Variants in GRIN2D observed in about 807,000 individuals in gnomAD.
The protein encoded by GRIN2D is glutamate receptor ionotropic, NMDA 2D.
Under a neutral mutation model 103.2 loss-of-function variants are expected in GRIN2D, and 37 were observed. That is an observed-to-expected ratio of 0.36 (90% CI 0.28 to 0.47). GRIN2D has a LOEUF of 0.47. Among genes scored for constraint, GRIN2D ranks in the 20% least tolerant of loss-of-function variants. The pLI, the probability that GRIN2D is intolerant of heterozygous loss-of-function variation, is 1.00. For synonymous variants in GRIN2D, 845 were observed against 885.6 expected (o/e 0.95, Z 0.81); for missense variants, 1,557 against 1,910.6 (o/e 0.81, Z 3.45).
intron 11 of GRIN2D, among the ~76,000 whole-genome samples, chr19:48,434,632 C>T (rs1232950578): frequency 1.3e-5 from 2 of 151,664 alleles, no homozygotes; most frequent in African/African-American, 2.4e-5. Flanking sequence ...GATGGTCTCA[C>T]TATGTTGCCC....
Position 48,405,237 on chromosome 19 carries a change from C to T in GRIN2D, c.969C>T (p.Gly323=), listed in dbSNP as rs1175961795. The T allele has an allele frequency of 4.4e-6, 7 of 1,596,048 alleles. No homozygotes were observed. The highest frequency in any genetic ancestry group is 3.3e-5 in the South Asian group (3 of 89,900). Reference sequence around the variant, plus strand: ...ACCTGGCTCGGCGAGTGGCAGCTGGCGTGGCCGTAGTGGCCAGAGGTGCCC... The same window carrying T: ...ACCTGGCTCGGCGAGTGGCAGCTGGTGTGGCCGTAGTGGCCAGAGGTGCCC... ...RDDLARRVAA[G]VAVVARGAQA... is the part of the protein sequence containing the mutation. Residue 323 remains glycine (G), a synonymous_variant, in exon 4 of 14, where the codon GGC becomes GGT. Coordinates refer to ENST00000263269, the MANE Select transcript of GRIN2D (RefSeq NM_000836.4). The surrounding 1 kb of genome is among the most constrained non-coding windows in gnomAD (Gnocchi z 5.1).
rs1456347951 is a variant in GRIN2D, at chr19:48,432,232, T to G, written c.2253-9537T>G. Among the ~76,000 whole-genome samples the G allele has an allele frequency of 2.0e-5, 3 of 151,810 alleles. No individual in the cohort carries two copies. The East Asian group carries it at 5.8e-4, about 29-fold the overall frequency. On this transcript the variant is annotated intron_variant, in intron 11 of 13. Transcript: ENST00000263269. Reference sequence around the variant, plus strand: ...GCCTTCTTTTTCTTTCTTTTTTTTTTTTTTTAGAGGCAGGTTCTCATTATG... The same window carrying G: ...GCCTTCTTTTTCTTTCTTTTTTTTTGTTTTTAGAGGCAGGTTCTCATTATG...
chr19:48,442,407 G>C lies in GRIN2D; in HGVS notation c.2673+25G>C, dbSNP rs1254890403. The C allele has an allele frequency of 6.3e-7, 1 of 1,592,990 alleles. No individual in the cohort carries two copies. Among genetic ancestry groups the C allele is most frequent in the Non-Finnish European group, 8.6e-7 (1 of 1,168,376 alleles). ...GGTATGGGGCAGAGAGGGAGGCAGA[G>C]AGGGGGAGATGGCAGGGGCGGGGAC... On this transcript the variant is annotated intron_variant, in intron 13 of 13. Coordinates refer to ENST00000263269, the MANE Select transcript of GRIN2D (RefSeq NM_000836.4). This position sits in a 1 kb window ranked among gnomAD's most constrained non-coding sequence, Gnocchi z 7.2.
rs547587702 is a variant in GRIN2D at position 48,419,904 on chromosome 19, G to C, written c.2091+90G>C. ...GTGGTAGATTAGAGGGGATTCTTGC[G>C]GGGGGCGGGGGTGAGAGGGGTGGGG... is the stretch of plus-strand genomic sequence containing the variant. On this transcript the variant is annotated intron_variant, in intron 10 of 13. Coordinates refer to ENST00000263269, the MANE Select transcript of GRIN2D (RefSeq NM_000836.4). The C allele has an allele frequency of 1.6e-3, 550 of 334,658 alleles. 11 individuals are homozygous for C. The highest frequency in any genetic ancestry group is 0.016 in the Admixed American group (367 of 23,450). The allele number at this position is 334,658 out of a possible 1,614,324, so 20.7% of individuals were successfully genotyped here. A position where few individuals can be genotyped will look rare whatever the true frequency, so the allele number is the denominator to read the frequency against.
rs1181694714 is a variant in GRIN2D at position 48,405,306 on chromosome 19, C to T, written c.1038C>T (p.His346=). The T allele has an allele frequency of 1.9e-5, 30 of 1,601,438 alleles. No homozygotes were observed. The highest frequency in any genetic ancestry group is 2.5e-5 in the Non-Finnish European group (30 of 1,177,172). The stretch of plus-strand genomic sequence containing the variant: ...ATGGTTTCCTTCCTGAGCTCGGCCA[C>T]GACTGTCGCGCCCAGAACCGCACCC... ...RDYGFLPELG[H]DCRAQNRTHR... is the part of the protein sequence containing the mutation. Residue 346 remains histidine (H), a synonymous_variant, in exon 4 of 14, where the codon CAC becomes CAT. Transcript: ENST00000263269. The surrounding 1 kb of genome is among the most constrained non-coding windows in gnomAD (Gnocchi z 5.1).
Position 48,421,638 on chromosome 19 carries a change from C to T in GRIN2D, c.2092-147C>T, listed in dbSNP as rs1331958061. ...TGCTGGGTGGGAGTGGAAAAGCATT[C>T]CCTAATGTAGTGAGCGAGTGTTGAG... is the stretch of plus-strand genomic sequence containing the variant. On this transcript the variant is annotated intron_variant, in intron 10 of 13. Transcript: ENST00000263269. This position sits in a 1 kb window ranked among gnomAD's most constrained non-coding sequence, Gnocchi z 4.8. 5 of 659,180 alleles carry T rather than the reference C, an allele frequency of 7.6e-6. No individual in the cohort carries two copies. In the East Asian group the frequency reaches 1.1e-4, roughly 15 times the overall value. The allele number at this position is 659,180 out of a possible 1,614,324, so 40.8% of individuals were successfully genotyped here. A position where few individuals can be genotyped will look rare whatever the true frequency, so the allele number is the denominator to read the frequency against.
intron 7 of GRIN2D, 119 bp from the exon 8 acceptor site, chr19:48,415,883 G>A: frequency 1.2e-6 from 1 of 841,300 alleles, no homozygotes; most frequent in Non-Finnish European, 2.0e-6. Context: ...AATCCCTCTT[G>A]GCCCCTTCCC....
At position 48,436,300 on chromosome 19, in the gene GRIN2D, T is replaced by C. The variant is rs147878727; in HGVS notation, c.2253-5469T>C. Among the ~76,000 whole-genome samples, 246 of 152,052 alleles carry C rather than the reference T, an allele frequency of 1.6e-3. 3 individuals carry two copies. Among genetic ancestry groups the C allele is most frequent in the Admixed American group, 0.013 (200 of 15,254 alleles). On this transcript the variant is annotated intron_variant, in intron 11 of 13. Transcript: ENST00000263269. ...GAGTTGGACTCACAGGCGGTCGAAG[T>C]GAGGTTTTCTTGCTGTTTTCTGTTC...
At position 48,408,676 on chromosome 19, in the gene GRIN2D, C is replaced by T. The variant is rs112168324; in HGVS notation, c.1085+3323C>T. On this transcript the variant is annotated intron_variant, in intron 4 of 13. Coordinates refer to ENST00000263269, the MANE Select transcript of GRIN2D (RefSeq NM_000836.4). ...TCTACTAAAAACTACAAAACTTAGC[C>T]GGGCGTGGTGACAGGCACCTGTAAT... 5.9e-5 allele frequency among the ~76,000 whole-genome samples: 9 copies of T among 151,270 alleles called. 2 individuals are homozygous for T. The highest frequency in any genetic ancestry group is 2.1e-4 in the South Asian group (1 of 4,764).
intron 9 of GRIN2D, 28 bp from the exon 10 acceptor site, chr19:48,419,557 T>C: frequency 1.3e-6 from 2 of 1,505,118 alleles, no homozygotes; most frequent in Non-Finnish European, 1.8e-6. Context: ...GGATTTGGGG[T>C]CCATGTCCAC....
chr19:48,439,791 G>A (rs1194399927), intron 11 of GRIN2D, among the ~76,000 whole-genome samples: 3 of 151,922 alleles, frequency 2.0e-5, no homozygotes, highest in Non-Finnish European at 4.4e-5. Context: ...TAAAAGTACA[G>A]AATTAGCCAG....
intron 11 of GRIN2D, among the ~76,000 whole-genome samples, chr19:48,431,135 T>C (rs990172265): frequency 3.3e-5 from 5 of 152,198 alleles, no homozygotes; most frequent in African/African-American, 9.6e-5. Context: ...TTTCATCTTA[T>C]TGAAGAAGTT....
chr19:48,415,206 A>C (rs916344742), intron 7 of GRIN2D, among the ~76,000 whole-genome samples, 174 bp downstream of exon 7: 1 of 151,926 alleles, frequency 6.6e-6, no homozygotes, highest in Non-Finnish European at 1.5e-5. Context: ...CCCCGTCTCT[A>C]CTAAAATGCA....
Position 48,405,119 on chromosome 19 carries a change from G to T in GRIN2D, c.851G>T (p.Gly284Val), listed in dbSNP as rs971881000. ...GGGCCCCAGCTGGCTGGAGGCGGGG[G>T]CTCTGGGGCCCCTGGTGAGCCCCCT... ...MVGPQLAGGG[G>V]SGAPGEPPLL... is the part of the protein sequence containing the mutation. Residue 284 changes from glycine (G) to valine (V), a missense_variant, in exon 4 of 14, where the codon GGC (glycine) becomes GTC (valine). Gly to Val is a moderately radical substitution (Grantham distance 109). This residue lies in a region of GRIN2D where 490 missense variants were observed against 601.1 expected (regional missense o/e 0.82). Transcript: ENST00000263269. This position sits in a 1 kb window ranked among gnomAD's most constrained non-coding sequence, Gnocchi z 5.1. 2.5e-6 allele frequency: 4 copies of T among 1,583,354 alleles called. No individual in the cohort carries two copies. The highest frequency in any genetic ancestry group is 2.3e-5 in the East Asian group (1 of 43,464).
At chr19:48,415,900 T>C in intron 7 of GRIN2D, 102 bp from the exon 8 acceptor site, 1 of 1,033,082 alleles carries the variant, frequency 9.7e-7, no homozygotes, top group Non-Finnish European at 1.5e-6. Context: ...TCCCTCACCC[T>C]GTCACTGGTC....
chr19:48,402,805 A>AGAGAGAGAGAGAGAG (rs1970735111), intron 3 of GRIN2D, among the ~76,000 whole-genome samples: 4 of 144,446 alleles, frequency 2.8e-5, no homozygotes, highest in East Asian at 2.1e-4. Context: ...AGAGAGAGAG[A>AGAGAGAGAGAGAGAG]ATAGGGAACA....
Position 48,404,923 on chromosome 19 carries a change from G to A in GRIN2D, c.655G>A (p.Gly219Arg). The part of the protein sequence containing the change: ...DGSLVGWEHR[G>R]ALTLDPGAGE... The stretch of plus-strand genomic sequence containing the variant: ...TAGTCTGGTGGGCTGGGAGCACCGC[G>A]GAGCGCTGACGCTGGACCCTGGGGC... Residue 219 changes from glycine to arginine, a missense_variant, in exon 4 of 14, where the codon GGA becomes AGA. Around this residue, in one of 7 missense-constraint regions of GRIN2D, gnomAD observed 490 missense variants for 601.1 expected, o/e 0.82. Coordinates refer to ENST00000263269, the MANE Select transcript of GRIN2D (RefSeq NM_000836.4). 2 of 1,613,778 alleles carry A rather than the reference G, an allele frequency of 1.2e-6. No homozygotes were observed. Among genetic ancestry groups the A allele is most frequent in the Non-Finnish European group, 1.7e-6 (2 of 1,179,982 alleles).
intron 11 of GRIN2D, among the ~76,000 whole-genome samples, chr19:48,438,219 A>C (rs912922695): frequency 6.7e-6 from 1 of 150,214 alleles, no homozygotes; most frequent in Admixed American, 6.6e-5. Flanking sequence ...CTAACTACTC[A>C]AGACTAGAGG....
At position 48,414,851 on chromosome 19, in the gene GRIN2D, T is replaced by G. The variant is rs763617661; in HGVS notation, c.1413-13T>G. On this transcript the variant is annotated splice_polypyrimidine_tract_variant and intron_variant, in intron 6 of 13. Transcript: ENST00000263269. The surrounding 1 kb of genome is among the most constrained non-coding windows in gnomAD (Gnocchi z 4.6). The stretch of plus-strand genomic sequence containing the variant: ...GGGTCCCCAAACTCCCCAAGCCTGG[T>G]CACTGCCCGCAGCCCTCCACCGGAT... 6.2e-7 allele frequency: 1 copy of G among 1,613,570 alleles called. No homozygotes were observed. The highest frequency in any genetic ancestry group is 8.5e-7 in the Non-Finnish European group (1 of 1,179,876).
Sources: gnomAD v4.1 joint callset for allele counts (sites outside exome capture counted in the v4.1 genomes callset) on GRCh38, gnomAD v4.1.1 for gene constraint, gnomAD v4.1.1 regional missense constraint, Gnocchi (gnomAD v3.1) non-coding constraint, MANE v1.5 for transcripts, NCBI Gene and HGNC (gene_info 2026-07-23, HGNC 2026-07-21) for gene names.